Variants in NBEAL1 observed in about 807,000 individuals in gnomAD.
NBEAL1 encodes the protein neurobeachin-like protein 1.
A neutral mutation model predicts 351.3 loss-of-function variants in NBEAL1; 273 were observed. The ratio of observed to expected loss-of-function variants is 0.78; its 90% CI spans 0.70 to 0.86. The LOEUF is 0.86. NBEAL1 is among the 40% of genes least tolerant of loss of function. The probability of loss-of-function intolerance (pLI) is 0.00; values close to 1 mark genes in which losing one functional copy is unlikely to be tolerated. For synonymous variants in NBEAL1, 1,050 were observed against 1,086.4 expected (o/e 0.97, Z 0.66); for missense variants, 2,961 against 3,201.3 (o/e 0.92, Z 1.81).
At chr2:203,187,388 T>TG (rs2064933891) in intron 44 of NBEAL1, among the ~76,000 whole-genome samples, 2 of 149,478 alleles carry the variant, frequency 1.3e-5, no homozygotes, top group East Asian at 2.0e-4. Flanking sequence ...TTTTTTTTTT[T>TG]GAATCCAGCA....
In NBEAL1 at chr2:203,182,184, C is replaced by T. The variant is rs558341439; in HGVS notation, c.6596-1095C>T. 9 of 152,200 alleles carry T rather than the reference C, an allele frequency of 5.9e-5. No homozygotes were observed. In the East Asian group the frequency reaches 1.5e-3, roughly 26 times the overall value. The allele number at this position is 152,200 out of a possible 1,614,324, so 9.4% of individuals were successfully genotyped here. Reference sequence around the variant, plus strand: ...TTTAGTGTTTCCCATAATAAAAATCCTGAGGTATGGTAGTTTCAGATAGTT... The same window carrying T: ...TTTAGTGTTTCCCATAATAAAAATCTTGAGGTATGGTAGTTTCAGATAGTT... On this transcript the variant is annotated intron_variant, in intron 43 of 55. Coordinates refer to ENST00000683969, the MANE Select transcript of NBEAL1 (RefSeq NM_001378026.1).
intron 51 of NBEAL1, among the ~76,000 whole-genome samples, chr2:203,207,439 T>G (rs1209547877): frequency 7.2e-5 from 11 of 152,242 alleles, no homozygotes; most frequent in South Asian, 6.2e-4. Flanking sequence ...GAACGGGCCA[T>G]GATGACAATG....
intron 3 of NBEAL1, among the ~76,000 whole-genome samples, chr2:203,045,840 T>C (rs2061216964): frequency 6.6e-6 from 1 of 152,214 alleles, no homozygotes; most frequent in African/African-American, 2.4e-5. Context: ...CCATTCAGAT[T>C]TGGGCATTTT....
chr2:203,201,761 T>C (rs2065406270), intron 50 of NBEAL1, 46 bp downstream of exon 50: 1 of 1,507,794 alleles, frequency 6.6e-7, no homozygotes. Flanking sequence ...ATTTTCTTTT[T>C]TTCTTAAGTA....
chr2:203,166,622 C>T (rs1282471043), intron 37 of NBEAL1, among the ~76,000 whole-genome samples: 1 of 152,200 alleles, frequency 6.6e-6, no homozygotes, highest in African/African-American at 2.4e-5. Flanking sequence ...TCTCGGCTCA[C>T]TGAGACCTCT....
chr2:203,074,390 C>T (rs1472574085), intron 7 of NBEAL1, among the ~76,000 whole-genome samples: 7 of 142,304 alleles, frequency 4.9e-5, no homozygotes, highest in South Asian at 2.2e-4. Context: ...TGCAGTGGCA[C>T]GATCTTGGCT....
rs1037914839 is a variant in NBEAL1, at chr2:203,116,003, C to G, written c.2525C>G (p.Pro842Arg). 11 of 1,552,792 alleles carry G rather than the reference C, an allele frequency of 7.1e-6. No individual in the cohort carries two copies. Among genetic ancestry groups the G allele is most frequent in the African/African-American group, 1.4e-5 (1 of 73,234 alleles). Reference sequence around the variant, plus strand: ...TTTTCAGGTCCAAATTGTTTAAGCCCTTGGAAGTGTCAAGAGTCTGACATG... The same window carrying G: ...TTTTCAGGTCCAAATTGTTTAAGCCGTTGGAAGTGTCAAGAGTCTGACATG... ...LYLAGPNCLS[P>R]WKCQESDMAD... is the part of the protein sequence containing the mutation. The change falls in exon 18 of 56, where the codon CCT (proline) becomes CGT (arginine). Residue 842 changes from proline to arginine, a missense_variant. By Grantham distance (103) the Pro-to-Arg change is moderately radical (BLOSUM62 -2). Coordinates refer to ENST00000683969, the MANE Select transcript of NBEAL1 (RefSeq NM_001378026.1).
At chr2:203,130,553 T>A in intron 25 of NBEAL1, 77 bp downstream of exon 25, 1 of 932,550 alleles carries the variant, frequency 1.1e-6, no homozygotes. Context: ...ATATCCATTC[T>A]GTGACTATAA....
At chr2:203,173,238 C>T (rs1030754566) in intron 41 of NBEAL1, among the ~76,000 whole-genome samples, 14 of 152,160 alleles carry the variant, frequency 9.2e-5, no homozygotes, top group African/African-American at 3.1e-4. Flanking sequence ...ACAACTTATA[C>T]TGATGTGTTT....
At chr2:203,194,316 G>A (rs888022209) in intron 47 of NBEAL1, among the ~76,000 whole-genome samples, 19 of 152,094 alleles carry the variant, frequency 1.2e-4, no homozygotes, top group Non-Finnish European at 2.1e-4. Flanking sequence ...TAGTAAAACA[G>A]GAGTAGTTAA....
chr2:203,077,334 C>G (rs1332251333), intron 7 of NBEAL1, among the ~76,000 whole-genome samples: 1 of 151,860 alleles, frequency 6.6e-6, no homozygotes, highest in Non-Finnish European at 1.5e-5. Context: ...CACACCACTG[C>G]ACTCCAGCCT....
chr2:203,165,008 T>C (rs2064091158), intron 36 of NBEAL1, among the ~76,000 whole-genome samples: 1 of 152,050 alleles, frequency 6.6e-6, no homozygotes, highest in African/African-American at 2.4e-5. Context: ...ATTACAGGCA[T>C]GCACCACCAC....
intron 2 of NBEAL1, among the ~76,000 whole-genome samples, chr2:203,029,707 A>AT (rs397967073): frequency 7.3e-5 from 11 of 151,618 alleles, no homozygotes; most frequent in Non-Finnish European, 1.3e-4. Context: ...AAAAAAAAAA[A>AT]GCTAATAAAA....
At chr2:203,046,775 C>T (rs1326030161) in intron 3 of NBEAL1, among the ~76,000 whole-genome samples, 1 of 152,192 alleles carries the variant, frequency 6.6e-6, no homozygotes, top group Non-Finnish European at 1.5e-5. Flanking sequence ...TGCCTCACCT[C>T]TTCATACTAT....
intron 14 of NBEAL1, 54 bp from the exon 15 acceptor site, chr2:203,110,096 T>C: frequency 1.4e-6 from 2 of 1,479,608 alleles, no homozygotes; most frequent in East Asian, 2.5e-5. Context: ...ACTTTAATGA[T>C]GATGAAACTG....
chr2:203,040,428 T>C, intron 2 of NBEAL1: 1 of 721,774 alleles, frequency 1.4e-6, no homozygotes, highest in African/African-American at 1.7e-5. Context: ...AGAGAACCGT[T>C]GTAAGACTTC....
intron 3 of NBEAL1, among the ~76,000 whole-genome samples, chr2:203,048,367 C>T (rs1047038908): frequency 8.4e-6 from 1 of 118,452 alleles, no homozygotes; most frequent in South Asian, 3.1e-4. Flanking sequence ...GGCAACACAG[C>T]GAGACTCCAT....
Position 203,217,591 on chromosome 2 carries a change from T to A in NBEAL1, c.*237T>A. 1 of 1,080,108 alleles carries A rather than the reference T, an allele frequency of 9.3e-7. No individual in the cohort carries two copies. Among genetic ancestry groups the A allele is most frequent in the Non-Finnish European group, 1.1e-6 (1 of 881,632 alleles). 66.9% of individuals were successfully genotyped at this position (1,080,108 alleles called of 1,614,324 possible). Reference sequence around the variant, plus strand: ...TCCTAAAGGTCATTGTATCCATTTTTAAAACAAACTAAAATGAGAACATTA... The same window carrying A: ...TCCTAAAGGTCATTGTATCCATTTTAAAAACAAACTAAAATGAGAACATTA... On this transcript the variant is annotated 3_prime_UTR_variant, in exon 56 of 56. Coordinates refer to ENST00000683969, the MANE Select transcript of NBEAL1 (RefSeq NM_001378026.1).
At chr2:203,077,525 T>C (rs899648796) in intron 7 of NBEAL1, among the ~76,000 whole-genome samples, 1 of 152,204 alleles carries the variant, frequency 6.6e-6, no homozygotes, top group Admixed American at 6.5e-5. Flanking sequence ...CATCCTTATA[T>C]GGAGAATTAT....
Sources: allele counts gnomAD v4.1 joint callset (sites outside exome capture counted in the v4.1 genomes callset), GRCh38; gene constraint gnomAD v4.1.1; transcripts MANE v1.5; gene names NCBI Gene and HGNC (gene_info 2026-07-23, HGNC 2026-07-21).